The following COPB2 variants were observed in gnomAD, a reference collection of about 807,000 sequenced individuals.
COPB2 encodes the protein coatomer subunit beta'.
Under a neutral mutation model 120.8 loss-of-function variants are expected in COPB2, and 16 were observed. The observed-to-expected ratio is 0.13, with a 90% CI of 0.09 to 0.20. COPB2 has a LOEUF of 0.20. COPB2 is among the 10% of genes least tolerant of loss of function. The pLI, the probability that COPB2 is intolerant of heterozygous loss-of-function variation, is 1.00. For synonymous variants in COPB2, 332 were observed against 366.3 expected (o/e 0.91, Z 1.07); for missense variants, 794 against 1,076.5 (o/e 0.74, Z 3.67).
chr3:139,378,259 T>C, intron 4 of COPB2, 70 bp from the exon 5 acceptor site: 1 of 1,390,342 alleles, frequency 7.2e-7, no homozygotes, highest in Non-Finnish European at 9.7e-7. Flanking sequence ...ACACAGTCTT[T>C]AGAAGAAGCA....
intron 15 of COPB2, among the ~76,000 whole-genome samples, chr3:139,362,722 G>A (rs1420697423): frequency 6.6e-6 from 1 of 152,080 alleles, no homozygotes; most frequent in Non-Finnish European, 1.5e-5. Context: ...AAACCTGGCA[G>A]ATAAAATATT....
At chr3:139,362,574 TTA>T (rs57549985) in intron 15 of COPB2, 57 bp from the exon 16 acceptor site, 384,991 of 767,954 alleles carry the variant, frequency 0.5, 101,617 homozygotes, top group Non-Finnish European at 0.56. Context: ...TATGTATGTT[TTA>T]TATATATATA....
Position 139,379,459 on chromosome 3 carries a change from A to G in COPB2, c.149T>C (p.Val50Ala), listed in dbSNP as rs778475722. The change falls in exon 3 of 22, where the codon GTG (valine) becomes GCG (alanine). Residue 50 changes from valine (V) to alanine (A), a missense_variant. Coordinates refer to ENST00000333188, the MANE Select transcript of COPB2 (RefSeq NM_004766.3). ...CVWNHETQTLVKTFEVCDLPV... is the reference protein window; with the variant it reads ...CVWNHETQTLAKTFEVCDLPV... ...AAGATCACATACTTCAAATGTCTTC[A>G]CCAGTGTCTTTAAAATGTAACAAGA... The G allele has an allele frequency of 4.3e-6, 7 of 1,613,466 alleles. No homozygotes were observed. In the Admixed American group the frequency reaches 1.2e-4, roughly 27 times the overall value.
Position 139,389,568 on chromosome 3 carries a change from C to A in COPB2, c.-18G>T. The A allele has an allele frequency of 6.4e-7, 1 of 1,573,458 alleles. No homozygotes were observed. Among genetic ancestry groups the A allele is most frequent in the Non-Finnish European group, 8.7e-7 (1 of 1,152,406 alleles). ...CCTACCATGGCTGCGTCGGTCCAAT[C>A]CCGGGAACCCTCGTTTGTTACCGGC... On this transcript the variant is annotated 5_prime_UTR_variant, in exon 1 of 22. Coordinates refer to ENST00000333188, the MANE Select transcript of COPB2 (RefSeq NM_004766.3).
At chr3:139,374,291 A>G (rs966768392) in intron 7 of COPB2, 198 bp downstream of exon 7, 83 of 518,160 alleles carry the variant, frequency 1.6e-4, no homozygotes, top group Non-Finnish European at 2.7e-4. Context: ...ATACATGAGA[A>G]TGATGACGAT....
chr3:139,362,827 A>G (rs1327360296), intron 15 of COPB2, among the ~76,000 whole-genome samples: 1 of 152,224 alleles, frequency 6.6e-6, no homozygotes, highest in Non-Finnish European at 1.5e-5. Context: ...ATATAAACAG[A>G]TATGTCAAAA....
chr3:139,383,597 C>A (rs566759163), intron 1 of COPB2, among the ~76,000 whole-genome samples, 162 bp from the exon 2 acceptor site: 1 of 152,112 alleles, frequency 6.6e-6, no homozygotes, highest in South Asian at 2.1e-4. Flanking sequence ...TTCATTTACA[C>A]ATCAAAAAAA....
intron 17 of COPB2, among the ~76,000 whole-genome samples, chr3:139,360,274 A>G (rs1941388313): frequency 6.6e-6 from 1 of 151,880 alleles, no homozygotes; most frequent in Admixed American, 6.6e-5. Flanking sequence ...CTATAATCCC[A>G]GCACTTTGGG....
chr3:139,374,740 C>T (rs1397146909), intron 6 of COPB2, 152 bp from the exon 7 acceptor site: 1 of 477,702 alleles, frequency 2.1e-6, no homozygotes, highest in Admixed American at 3.8e-5. Context: ...ATAGGATGAT[C>T]TTGTTGTATA....
chr3:139,362,401 A>G lies in COPB2; in HGVS notation c.1995+6T>C. ...CAGTTATGAAAAATCATGAATTAGT[A>G]CATACCTCTGCTTCCACTGCTAACT... On this transcript the variant is annotated splice_donor_region_variant and intron_variant, in intron 16 of 21. Coordinates refer to ENST00000333188, the MANE Select transcript of COPB2 (RefSeq NM_004766.3). 1.3e-6 allele frequency: 2 copies of G among 1,594,134 alleles called. No individual in the cohort carries two copies. The highest frequency in any genetic ancestry group is 1.7e-6 in the Non-Finnish European group (2 of 1,164,612).
At chr3:139,370,641 T>C (rs910961505) in intron 10 of COPB2, among the ~76,000 whole-genome samples, 2 of 152,194 alleles carry the variant, frequency 1.3e-5, no homozygotes, top group Non-Finnish European at 2.9e-5. Flanking sequence ...TTCAGGCCTC[T>C]GCCTTGAAAA....
rs959440473 is a variant in COPB2, at chr3:139,358,804, T to C, written c.2493A>G (p.Glu831=). The stretch of plus-strand genomic sequence containing the variant: ...TTCCCTCTTCCATGACATTTCTCTC[T>C]TCATTTGGCTATCAGAGAATAAAGC... The part of the protein sequence containing the change: ...AKQYPLVTPN[E]ERNVMEEGKD... The change falls in exon 20 of 22, where the codon GAA becomes GAG. Residue 831 remains glutamate, a synonymous_variant. Transcript: ENST00000333188. 4.3e-6 allele frequency: 7 copies of C among 1,612,342 alleles called. No homozygotes were observed.
Position 139,359,403 on chromosome 3 carries a change from C to T in COPB2, c.2211-41G>A, listed in dbSNP as rs374288459. 1.1e-5 allele frequency: 17 copies of T among 1,575,354 alleles called. No homozygotes were observed. In the African/African-American group the frequency reaches 2.3e-4, roughly 21 times the overall value. On this transcript the variant is annotated intron_variant, in intron 17 of 21. Transcript: ENST00000333188. ...GAGAGGTACTGTTACCAAGAATAAACACTATAATAATGGGTACTTAACACA... is the reference window on the plus strand; with the variant it reads ...GAGAGGTACTGTTACCAAGAATAAATACTATAATAATGGGTACTTAACACA...
At chr3:139,358,097 C>A in intron 21 of COPB2, 103 bp downstream of exon 21, 2 of 1,142,382 alleles carry the variant, frequency 1.8e-6, no homozygotes, top group Non-Finnish European at 2.6e-6. Context: ...AGCCCCTGCT[C>A]TGAAACTGAT....
chr3:139,359,687 G>A (rs1017683317), intron 17 of COPB2, among the ~76,000 whole-genome samples: 2 of 152,162 alleles, frequency 1.3e-5, no homozygotes, highest in African/African-American at 4.8e-5. Flanking sequence ...CAGAAATTCA[G>A]TTCCACAAGA....
At chr3:139,359,482 C>T in intron 17 of COPB2, 120 bp from the exon 18 acceptor site, 1 of 806,768 alleles carries the variant, frequency 1.2e-6, no homozygotes, top group East Asian at 2.7e-5. Flanking sequence ...ACACATATAT[C>T]TCATTTCTGT....
intron 1 of COPB2, among the ~76,000 whole-genome samples, chr3:139,388,565 G>T (rs1941979315): frequency 6.6e-6 from 1 of 151,138 alleles, no homozygotes; most frequent in African/African-American, 2.4e-5. Flanking sequence ...AACTTAAGAT[G>T]AGGGACTTAA....
chr3:139,376,998 C>G (rs1158297516), intron 5 of COPB2, among the ~76,000 whole-genome samples: 1 of 152,164 alleles, frequency 6.6e-6, no homozygotes, highest in Non-Finnish European at 1.5e-5. Flanking sequence ...ATCCACCTGC[C>G]TCGGTCTCCC....
At chr3:139,374,325 TG>T (rs1210851198) in intron 7 of COPB2, 163 bp downstream of exon 7, 1 of 572,526 alleles carries the variant, frequency 1.7e-6, no homozygotes, top group Non-Finnish European at 3.1e-6. Flanking sequence ...ATGATGATGA[TG>T]ATGAAAATAA....
Sources: allele counts gnomAD v4.1 joint callset (sites outside exome capture counted in the v4.1 genomes callset), GRCh38; gene constraint gnomAD v4.1.1; transcripts MANE v1.5; gene names NCBI Gene and HGNC (gene_info 2026-07-23, HGNC 2026-07-21).